The following ZNF676 variants were observed in gnomAD, a reference collection of about 807,000 sequenced individuals.
ZNF676 encodes the protein zinc finger protein 676.
ZNF676 carries 4 observed loss-of-function variants against 6.0 expected under a neutral mutation model. The ratio of observed to expected loss-of-function variants is 0.67; its 90% CI spans 0.33 to 1.53. The LOEUF (loss-of-function observed/expected upper bound fraction) is 1.53, where lower values mean the gene tolerates loss of function less well. Ranked by LOEUF, ZNF676 falls within the 40% of genes most tolerant of loss-of-function variation. The probability of loss-of-function intolerance (pLI) is 0.06; values close to 1 mark genes in which losing one functional copy is unlikely to be tolerated. For missense variants in ZNF676, 644 were observed against 679.7 expected, an observed-to-expected ratio of 0.95 and a Z score of 0.58; for synonymous variants, 198 against 223.1, an observed-to-expected ratio of 0.89 and a Z score of 1.00.
At chr19:22,230,508 G>GA in the ZNF676 span, among the ~76,000 whole-genome samples, 55,289 of 150,324 alleles carry the variant, frequency 0.37, 10,367 homozygotes, top group African/African-American at 0.42. Context: ...AATAAAAAAG[G>GA]AAAAAAAAGA....
the ZNF676 span, among the ~76,000 whole-genome samples, chr19:22,235,763 G>A: frequency 2.1e-4 from 32 of 152,124 alleles, no homozygotes; most frequent in African/African-American, 6.8e-4. Context: ...ATGACACAAA[G>A]CCAGAGAGTT....
At chr19:22,253,404 G>GTGTGTGTATATATATA in the ZNF676 span, among the ~76,000 whole-genome samples, 1 of 97,014 alleles carries the variant, frequency 1.0e-5, no homozygotes, top group South Asian at 4.2e-4. Flanking sequence ...ATGATAATGT[G>GTGTGTGTATATATATA]TATATATATA....
At chr19:22,188,421 A>AC (rs2023865721) in intron 2 of ZNF676, among the ~76,000 whole-genome samples, 1 of 152,144 alleles carries the variant, frequency 6.6e-6, no homozygotes, top group African/African-American at 2.4e-5. Context: ...AATGGGCAAA[A>AC]CTGTAAGCAT....
At chr19:22,241,757 G>A in the ZNF676 span, among the ~76,000 whole-genome samples, 2 of 151,996 alleles carry the variant, frequency 1.3e-5, no homozygotes, top group Admixed American at 1.3e-4. Context: ...TAATTGACCT[G>A]CTCCGGAGAG....
At chr19:22,207,964 A>G (rs1397394220) in intron 1 of ZNF676, among the ~76,000 whole-genome samples, 1 of 149,384 alleles carries the variant, frequency 6.7e-6, no homozygotes, top group African/African-American at 2.5e-5. Flanking sequence ...AAAGACTTAA[A>G]TGTTAATCTT....
the ZNF676 span, among the ~76,000 whole-genome samples, chr19:22,246,093 G>A: frequency 1.3e-5 from 2 of 152,052 alleles, no homozygotes; most frequent in East Asian, 1.9e-4. Context: ...ACTAAGTTTA[G>A]TGATATGTTA....
chr19:22,217,639 G>A (rs1287987166), upstream of ZNF676, among the ~76,000 whole-genome samples: 1 of 150,294 alleles, frequency 6.7e-6, no homozygotes, highest in Non-Finnish European at 1.5e-5. Flanking sequence ...TGTGATTACA[G>A]GCATAAGCCA....
intron 2 of ZNF676, among the ~76,000 whole-genome samples, chr19:22,183,875 T>TA (rs1215785935): frequency 6.6e-6 from 1 of 152,088 alleles, no homozygotes; most frequent in Non-Finnish European, 1.5e-5. Context: ...AGAAAGATAT[T>TA]AAAAAATAAT....
At chr19:22,197,419 G>C (rs372249690), upstream of ZNF676, among the ~76,000 whole-genome samples, 6 of 151,104 alleles carry the variant, frequency 4.0e-5, no homozygotes, top group African/African-American at 1.5e-4. Flanking sequence ...TAGAAGGTAT[G>C]ACTCAAATTT....
At chr19:22,229,840 A>G in the ZNF676 span, among the ~76,000 whole-genome samples, 2 of 152,206 alleles carry the variant, frequency 1.3e-5, no homozygotes, top group African/African-American at 4.8e-5. Flanking sequence ...TTAAAAAGTC[A>G]GAAAACAACA....
chr19:22,194,378 A>C (rs922875802), intron 1 of ZNF676, among the ~76,000 whole-genome samples: 5 of 152,192 alleles, frequency 3.3e-5, no homozygotes, highest in African/African-American at 1.2e-4. Flanking sequence ...ATCCACACAA[A>C]GCTTGGGGAA....
chr19:22,221,342 G>A, the ZNF676 span, among the ~76,000 whole-genome samples: 32 of 152,022 alleles, frequency 2.1e-4, no homozygotes, highest in Non-Finnish European at 4.0e-4. Flanking sequence ...TTATTCATGA[G>A]CAGTTTATTT....
At chr19:22,255,941 C>T in the ZNF676 span, among the ~76,000 whole-genome samples, 1 of 152,092 alleles carries the variant, frequency 6.6e-6, no homozygotes, top group Non-Finnish European at 1.5e-5. Flanking sequence ...CAACTGTGGA[C>T]TGCATCCATG....
At chr19:22,193,162 C>T (rs1241608123) in intron 1 of ZNF676, 51 bp from the exon 2 acceptor site, 1 of 1,520,278 alleles carries the variant, frequency 6.6e-7, no homozygotes, top group Non-Finnish European at 8.8e-7. Flanking sequence ...TCTCCAATTA[C>T]CAACTTAGTA....
At chr19:22,206,067 A>C (rs944357246) in intron 1 of ZNF676, among the ~76,000 whole-genome samples, 2 of 50,844 alleles carry the variant, frequency 3.9e-5, no homozygotes, top group African/African-American at 2.8e-4. Context: ...ACACACACAC[A>C]CACACACACA....
At chr19:22,217,164 C>T (rs2024200558), upstream of ZNF676, among the ~76,000 whole-genome samples, 1 of 151,972 alleles carries the variant, frequency 6.6e-6, no homozygotes, top group African/African-American at 2.4e-5. Flanking sequence ...CTACCCTTCC[C>T]ACTGAGTGCC....
chr19:22,181,579 A>G lies in ZNF676; in HGVS notation c.138T>C (p.Cys46=), dbSNP rs1468964077. Residue 46 remains cysteine, a synonymous_variant, in exon 3 of 3, where the codon TGT becomes TGC. Transcript: ENST00000397121. ...GCCAAAACTCTTGGGAAAAATGAGA[A>G]CATATAACTGAAAAGAAATAAAAAT... The part of the protein sequence containing the change: ...HEMVEEPPVI[C]SHFSQEFWPE... 5 of 1,552,724 alleles carry G rather than the reference A, an allele frequency of 3.2e-6. No individual in the cohort carries two copies. The highest frequency in any genetic ancestry group is 4.3e-6 in the Non-Finnish European group (5 of 1,155,142).
intron 1 of ZNF676, among the ~76,000 whole-genome samples, chr19:22,212,036 A>T (rs892082632): frequency 6.6e-6 from 1 of 151,720 alleles, no homozygotes; most frequent in Admixed American, 6.6e-5. Context: ...CGTCTCTATT[A>T]AAAATACAAA....
At chr19:22,204,914 T>C (rs866411111) in intron 1 of ZNF676, among the ~76,000 whole-genome samples, 2 of 152,184 alleles carry the variant, frequency 1.3e-5, no homozygotes. Flanking sequence ...AGAAGAAATA[T>C]ATACATATAA....
Sources: allele counts gnomAD v4.1 joint callset (sites outside exome capture counted in the v4.1 genomes callset), GRCh38; gene constraint gnomAD v4.1.1; transcripts MANE v1.5; gene names NCBI Gene and HGNC (gene_info 2026-07-23, HGNC 2026-07-21).